CREM: variants seen among roughly 807,000 people sequenced by gnomAD.
The protein encoded by CREM is cAMP responsive element modulator.
A neutral mutation model predicts 37.3 loss-of-function variants in CREM; 13 were observed. That is an observed-to-expected ratio of 0.35 (90% confidence interval 0.23 to 0.55). The LOEUF (loss-of-function observed/expected upper bound fraction) is 0.55, where lower values mean the gene tolerates loss of function less well. CREM is among the 20% of genes least tolerant of loss of function. The pLI is 0.88. For synonymous variants in CREM, 124 were observed against 120.2 expected (o/e 1.03, Z -0.21); for missense variants, 296 against 362.3 (o/e 0.82, Z 1.49).
intron 3 of CREM, among the ~76,000 whole-genome samples, chr10:35,149,921 CACACACACACACACACA>C (rs1564819599): frequency 2.0e-5 from 3 of 151,116 alleles, no homozygotes; most frequent in East Asian, 1.9e-4. Flanking sequence ...CACACACACA[CACACACACACACACACA>C]CCCTTGTTAA....
At position 35,211,676 on chromosome 10, in the gene CREM, G is replaced by A; in HGVS notation, c.*278G>A. On this transcript the variant is annotated 3_prime_UTR_variant, in exon 8 of 8. Coordinates refer to ENST00000685392, the MANE Select transcript of CREM (RefSeq NM_183011.2). Reference sequence around the variant, plus strand: ...TTCAGGGAAGCTGCCAAAGAATGTCGACGTCGAAAGAAAGAATATGTAAAA... The same window carrying A: ...TTCAGGGAAGCTGCCAAAGAATGTCAACGTCGAAAGAAAGAATATGTAAAA... The A allele has an allele frequency of 6.2e-7, 1 of 1,612,018 alleles. No homozygotes were observed. Among genetic ancestry groups the A allele is most frequent in the Non-Finnish European group, 8.5e-7 (1 of 1,179,452 alleles).
intron 3 of CREM, chr10:35,176,102 CA>C: frequency 7.1e-7 from 1 of 1,416,004 alleles, no homozygotes; most frequent in Non-Finnish European, 9.4e-7. Context: ...TGCTTATACG[CA>C]AATCTTTTTA....
At chr10:35,137,326 T>G (rs750957151) in intron 1 of CREM, among the ~76,000 whole-genome samples, 5 of 152,188 alleles carry the variant, frequency 3.3e-5, no homozygotes, top group Non-Finnish European at 7.3e-5. Context: ...AGTTGGAATT[T>G]AAGGTAAATG....
intron 3 of CREM, among the ~76,000 whole-genome samples, chr10:35,168,049 T>C (rs1253211366): frequency 6.6e-6 from 1 of 152,212 alleles, no homozygotes; most frequent in Non-Finnish European, 1.5e-5. Flanking sequence ...CAGTCTGTCA[T>C]TGTTGGACAT....
chr10:35,204,596 CAAAA>C (rs397845623), intron 6 of CREM, among the ~76,000 whole-genome samples: 7 of 89,504 alleles, frequency 7.8e-5, no homozygotes, highest in Non-Finnish European at 6.7e-5. Flanking sequence ...AACTACGTCT[CAAAA>C]AAAAAAAAAA....
At chr10:35,169,198 G>A (rs1368901746) in intron 3 of CREM, among the ~76,000 whole-genome samples, 2 of 152,092 alleles carry the variant, frequency 1.3e-5, no homozygotes, top group African/African-American at 4.8e-5. Context: ...CAGTATGGCC[G>A]TTTTCACCAT....
intron 3 of CREM, among the ~76,000 whole-genome samples, chr10:35,169,864 T>G (rs1216590774): frequency 2.0e-5 from 3 of 152,188 alleles, no homozygotes; most frequent in Non-Finnish European, 4.4e-5. Context: ...GTGGTTTTTG[T>G]CTTTGTTTCT....
At chr10:35,128,227 T>G (rs1012569444) in intron 1 of CREM, among the ~76,000 whole-genome samples, 1 of 152,186 alleles carries the variant, frequency 6.6e-6, no homozygotes, top group Non-Finnish European at 1.5e-5. Context: ...TGCTGCTCAG[T>G]GAAGCAGCGG....
chr10:35,141,909 G>A (rs965834907), intron 2 of CREM, among the ~76,000 whole-genome samples: 83 of 152,128 alleles, frequency 5.5e-4, no homozygotes, highest in African/African-American at 1.9e-3. Flanking sequence ...GTATCAGAAC[G>A]CTGAGACAGT....
At chr10:35,188,172 C>G (rs1342638975) in intron 5 of CREM, 28 bp from the exon 6 acceptor site, 3 of 1,582,066 alleles carry the variant, frequency 1.9e-6, no homozygotes, top group Non-Finnish European at 1.7e-6. Context: ...TTGAAATTCT[C>G]TAATATTTCT....
intron 1 of CREM, among the ~76,000 whole-genome samples, chr10:35,135,763 T>G (rs544155294): frequency 1.5e-4 from 13 of 86,382 alleles, no homozygotes; most frequent in Admixed American, 2.3e-4. Flanking sequence ...TAAAAAAAAA[T>G]GAGACAAAGA....
At chr10:35,150,837 GC>G (rs2092549570) in intron 3 of CREM, among the ~76,000 whole-genome samples, 1 of 149,040 alleles carries the variant, frequency 6.7e-6, no homozygotes, top group Non-Finnish European at 1.5e-5. Context: ...AAAAAGTGTT[GC>G]CAACAGGTTA....
chr10:35,164,728 T>C (rs193206217), intron 3 of CREM, among the ~76,000 whole-genome samples: 4 of 152,142 alleles, frequency 2.6e-5, no homozygotes, highest in Admixed American at 6.5e-5. Flanking sequence ...GGCCTGGCTG[T>C]GTTAAATTAG....
chr10:35,161,393 G>T (rs1446141394), intron 3 of CREM, among the ~76,000 whole-genome samples: 2 of 151,986 alleles, frequency 1.3e-5, no homozygotes, highest in African/African-American at 2.4e-5. Flanking sequence ...TACTTGGGAG[G>T]CTGAGGCAGG....
At position 35,212,303 on chromosome 10, in the gene CREM, TA is replaced by T. The variant is rs11289474; in HGVS notation, c.*916del. 0.17 allele frequency: 24,968 copies of T among 148,706 alleles called. 2,128 individuals are homozygous for T. The highest frequency in any genetic ancestry group is 0.24 in the East Asian group (1,244 of 5,230). The allele number at this position is 148,706 out of a possible 1,614,324, so 9.2% of individuals were successfully genotyped here. ...CAGATTTTTATATTAGTTGCTTTGT[TA>T]AAAAAAAAAAGATTGTATTGCTGTC... On this transcript the variant is annotated 3_prime_UTR_variant, in exon 8 of 8. Transcript: ENST00000685392.
intron 6 of CREM, among the ~76,000 whole-genome samples, chr10:35,202,371 A>C (rs534395305): frequency 6.1e-4 from 93 of 152,348 alleles, no homozygotes; most frequent in African/African-American, 2.1e-3. Context: ...AACTTGTTTT[A>C]AAATTAAAAC....
chr10:35,166,585 A>C (rs1041955277), intron 3 of CREM, among the ~76,000 whole-genome samples: 1 of 149,426 alleles, frequency 6.7e-6, no homozygotes, highest in Non-Finnish European at 1.5e-5. Context: ...AAAAATTACC[A>C]GGGTGTGGTG....
chr10:35,195,273 A>C (rs1236504288), intron 6 of CREM: 1 of 1,596,860 alleles, frequency 6.3e-7, no homozygotes, highest in Admixed American at 1.7e-5. Flanking sequence ...AAGTTTAGGA[A>C]GTATTCAGGA....
intron 6 of CREM, among the ~76,000 whole-genome samples, chr10:35,192,541 G>GTT (rs2094960792): frequency 6.6e-6 from 1 of 152,082 alleles, no homozygotes; most frequent in Non-Finnish European, 1.5e-5. Flanking sequence ...TAGAGACGGG[G>GTT]TTACACCATG....
Sources: gnomAD v4.1 joint callset for allele counts (sites outside exome capture counted in the v4.1 genomes callset) on GRCh38, gnomAD v4.1.1 for gene constraint, MANE v1.5 for transcripts, NCBI Gene and HGNC (gene_info 2026-07-23, HGNC 2026-07-21) for gene names.